The following RGPD8 variants were observed in gnomAD, a reference collection of about 807,000 sequenced individuals.
RGPD8 encodes RANBP2 like and GRIP domain containing 8, also known as RANBP2-like and GRIP domain-containing protein 8.
In RGPD8, 15 loss-of-function variants were observed where a neutral mutation model predicts 89.1. The observed-to-expected ratio is 0.17, with a 90% CI of 0.11 to 0.26. The LOEUF (loss-of-function observed/expected upper bound fraction) is 0.26. RGPD8 is among the 10% of genes least tolerant of loss of function. The pLI, the probability that RGPD8 is intolerant of heterozygous loss-of-function variation, is 1.00. For synonymous variants in RGPD8, 62 were observed against 420.9 expected (o/e 0.15, Z 10.44); for missense variants, 178 against 1,179.6 (o/e 0.15, Z 12.44).
chr2:112,422,728 T>C lies in RGPD8; in HGVS notation c.141-69A>G, dbSNP rs1679608834. 5 of 579,568 alleles carry C rather than the reference T, an allele frequency of 8.6e-6. No homozygotes were observed. In the East Asian group the frequency reaches 1.1e-4, roughly 13 times the overall value. 35.9% of individuals were successfully genotyped at this position (579,568 alleles called of 1,614,324 possible). A position where few individuals can be genotyped will look rare whatever the true frequency, so the allele number is the denominator to read the frequency against. On this transcript the variant is annotated intron_variant, in intron 2 of 22. Coordinates refer to ENST00000302558, the MANE Select transcript of RGPD8 (RefSeq NM_001164463.1). ...GTACTTTTAAATGCTAACCGAAGAA[T>C]ACATCTTAAACCAAAGCAACCACTA...
At chr2:112,433,075 G>A (rs1316078326) in intron 1 of RGPD8, among the ~76,000 whole-genome samples, 1 of 90,612 alleles carries the variant, frequency 1.1e-5, no homozygotes, top group African/African-American at 3.2e-5. Context: ...CGCCTCAACA[G>A]AGCGCGCCAG....
In RGPD8 at chr2:112,391,089, A is replaced by G. The variant is rs1301434904; in HGVS notation, c.2603-20T>C. On this transcript the variant is annotated intron_variant, in intron 18 of 22. Transcript: ENST00000302558. ...TTGCAACTGAAAAAAAAAAAAGAAA[A>G]GAAAGAAAACACTGTTAAAGTCTAT... The G allele has an allele frequency of 2.5e-6, 4 of 1,589,816 alleles. No individual in the cohort carries two copies. In the African/African-American group the frequency reaches 5.4e-5, roughly 21 times the overall value.
chr2:112,373,426 T>C (rs1159603562), intron 22 of RGPD8, among the ~76,000 whole-genome samples: 1 of 152,300 alleles, frequency 6.6e-6, no homozygotes, highest in South Asian at 2.1e-4. Flanking sequence ...CAGAGTTGGG[T>C]AACCTACTTT....
intron 7 of RGPD8, among the ~76,000 whole-genome samples, chr2:112,410,240 G>T (rs1454570354): frequency 7.1e-6 from 1 of 141,500 alleles, no homozygotes; most frequent in South Asian, 2.2e-4. Flanking sequence ...GTGAGCCGAG[G>T]TCGTGCCACT....
intron 1 of RGPD8, among the ~76,000 whole-genome samples, chr2:112,430,330 G>A (rs1679972467): frequency 6.6e-6 from 1 of 152,082 alleles, no homozygotes; most frequent in Non-Finnish European, 1.5e-5. Flanking sequence ...AAAGCACCCT[G>A]TTTTGTCATT....
chr2:112,424,495 G>A (rs1236052529), intron 1 of RGPD8, among the ~76,000 whole-genome samples, 188 bp from the exon 2 acceptor site: 5 of 152,058 alleles, frequency 3.3e-5, no homozygotes, highest in East Asian at 1.9e-4. Context: ...CGAAGTGGGC[G>A]GATCACCTGA....
chr2:112,430,877 A>G (rs972209007), intron 1 of RGPD8, among the ~76,000 whole-genome samples: 3 of 152,170 alleles, frequency 2.0e-5, no homozygotes, highest in Non-Finnish European at 4.4e-5. Flanking sequence ...GGACGGATTG[A>G]GCCCAGGACG....
rs545655559 is a variant in RGPD8 at position 112,417,188 on chromosome 2, C to T, written c.782+5G>A. On this transcript the variant is annotated splice_donor_5th_base_variant and intron_variant, in intron 6 of 22. Coordinates refer to ENST00000302558, the MANE Select transcript of RGPD8 (RefSeq NM_001164463.1). Reference sequence around the variant, plus strand: ...ACTAAAGCATTCTCCTCAAAGTCTACGCACCTTTCCAGTAATTCTCTATTT... The same window carrying T: ...ACTAAAGCATTCTCCTCAAAGTCTATGCACCTTTCCAGTAATTCTCTATTT... 2.6e-5 allele frequency: 42 copies of T among 1,609,112 alleles called. 1 individual carries two copies. The highest frequency in any genetic ancestry group is 3.3e-5 in the Admixed American group (2 of 59,968).
At chr2:112,424,335 G>C in intron 1 of RGPD8, 28 bp from the exon 2 acceptor site, 1 of 1,593,132 alleles carries the variant, frequency 6.3e-7, no homozygotes, top group Non-Finnish European at 8.5e-7. Context: ...GTTGTTTTAT[G>C]TTTCATACAG....
intron 1 of RGPD8, among the ~76,000 whole-genome samples, chr2:112,425,697 T>C (rs1403528807): frequency 6.8e-6 from 1 of 147,638 alleles, no homozygotes; most frequent in Admixed American, 7.0e-5. Context: ...AGGCAGAGGC[T>C]GCAGTGGGCC....
At chr2:112,370,359 G>GGGGGTCT (rs1249646916) in intron 22 of RGPD8, 147 bp from the exon 23 acceptor site, 2 of 100,746 alleles carry the variant, frequency 2.0e-5, no homozygotes, top group African/African-American at 7.1e-5. Context: ...GGGGGGGGGG[G>GGGGGTCT]TTCTTTTTTT....
chr2:112,430,438 C>T (rs1216786056), intron 1 of RGPD8, among the ~76,000 whole-genome samples: 2 of 146,180 alleles, frequency 1.4e-5, no homozygotes, highest in Non-Finnish European at 3.0e-5. Context: ...ATGTAAATGA[C>T]TTTAAATTTG....
At chr2:112,431,243 G>A (rs1221848846) in intron 1 of RGPD8, among the ~76,000 whole-genome samples, 1 of 152,116 alleles carries the variant, frequency 6.6e-6, no homozygotes, top group African/African-American at 2.4e-5. Flanking sequence ...GTGACAGAGT[G>A]AGACCCCACC....
intron 22 of RGPD8, among the ~76,000 whole-genome samples, chr2:112,370,432 G>T (rs1488259042): frequency 8.0e-6 from 1 of 124,612 alleles, no homozygotes; most frequent in South Asian, 2.8e-4. Context: ...GAGTGCAGTG[G>T]CGTGATGAGA....
intron 1 of RGPD8, among the ~76,000 whole-genome samples, chr2:112,430,708 A>C (rs2104409074): frequency 6.6e-6 from 1 of 151,808 alleles, no homozygotes; most frequent in East Asian, 1.9e-4. Context: ...TCACACCTGT[A>C]ATCTCAGCAC....
chr2:112,415,109 C>A (rs961918603), intron 6 of RGPD8, among the ~76,000 whole-genome samples: 1 of 147,794 alleles, frequency 6.8e-6, no homozygotes, highest in Admixed American at 6.6e-5. Flanking sequence ...GTGGGCTGGG[C>A]GCGGTGGCTC....
In RGPD8 at chr2:112,410,349, C is replaced by A. The variant is rs375905973; in HGVS notation, c.978+2082G>T. The stretch of plus-strand genomic sequence containing the variant: ...GTTACTTGAGAATTTCTATAAGAAC[C>A]TTTTAATGTTTGTATTACCTAGTGA... On this transcript the variant is annotated intron_variant, in intron 7 of 22. Transcript: ENST00000302558. Among the ~76,000 whole-genome samples the A allele has an allele frequency of 6.8e-4, 98 of 144,714 alleles. No individual in the cohort carries two copies. In the East Asian group the frequency reaches 0.015, roughly 23 times the overall value. 94.9% of individuals were successfully genotyped at this position (144,714 alleles called of 152,430 possible).
intron 22 of RGPD8, among the ~76,000 whole-genome samples, chr2:112,373,572 T>G (rs1306974789): frequency 5.3e-5 from 8 of 152,092 alleles, no homozygotes; most frequent in Admixed American, 4.6e-4. Flanking sequence ...CCAACACTCA[T>G]GTATATATGT....
rs1237504465 is a variant in RGPD8, at chr2:112,433,566, G to A, written c.-113C>T. The A allele has an allele frequency of 1.3e-5, 15 of 1,160,176 alleles. No individual in the cohort carries two copies. In the East Asian group the frequency reaches 3.5e-4, roughly 27 times the overall value. The allele number at this position is 1,160,176 out of a possible 1,614,324, so 71.9% of individuals were successfully genotyped here. A position where few individuals can be genotyped will look rare whatever the true frequency, so the allele number is the denominator to read the frequency against. On this transcript the variant is annotated 5_prime_UTR_variant, in exon 1 of 23. Transcript: ENST00000302558. ...CCACTGAAGCAGCGGCGTAGCCGGC[G>A]GAGGCCCACTGTGACGAGCGTGCGG...
Sources: allele counts gnomAD v4.1 joint callset (sites outside exome capture counted in the v4.1 genomes callset), GRCh38; gene constraint gnomAD v4.1.1; transcripts MANE v1.5; gene names NCBI Gene and HGNC (gene_info 2026-07-23, HGNC 2026-07-21).